The following PALM2AKAP2 variants were observed in gnomAD, a reference collection of about 807,000 sequenced individuals.
The protein encoded by PALM2AKAP2 is PALM2 and AKAP2 fusion, also known as PALM2-AKAP2 fusion protein.
A neutral mutation model predicts 71.5 loss-of-function variants in PALM2AKAP2; 37 were observed. The observed-to-expected ratio is 0.52, with a 90% confidence interval of 0.40 to 0.68. The LOEUF is 0.68. Among genes scored for constraint, PALM2AKAP2 ranks in the 30% least tolerant of loss-of-function variants. The pLI, the probability that PALM2AKAP2 is intolerant of heterozygous loss-of-function variation, is 0.00. For synonymous variants in PALM2AKAP2, 468 were observed against 478.8 expected (o/e 0.98, Z 0.29); for missense variants, 1,224 against 1,191.8 (o/e 1.03, Z -0.40).
chr9:110,060,457 AGT>A lies in PALM2AKAP2; in HGVS notation c.156+11604_156+11605del, dbSNP rs529484579. On this transcript the variant is annotated intron_variant, in intron 1 of 3. Coordinates refer to ENST00000374525, the Ensembl canonical transcript of PALM2AKAP2. ...TTTAATTCCATTTTGAAGATGGAAA[AGT>A]GAGATGAATTGGTCAAGGTCAGGCC... is the stretch of plus-strand genomic sequence containing the variant. Among the ~76,000 whole-genome samples, 428 of 152,224 alleles carry A rather than the reference AGT, an allele frequency of 2.8e-3. 2 individuals carry two copies. The highest frequency in any genetic ancestry group is 5.0e-3 in the Admixed American group (77 of 15,292).
intron 1 of PALM2AKAP2, among the ~76,000 whole-genome samples, chr9:110,078,841 C>T (rs1014434975): frequency 2.6e-5 from 4 of 152,208 alleles, no homozygotes; most frequent in Non-Finnish European, 5.9e-5. Flanking sequence ...GCTCCAAGAA[C>T]ATTTCTCATG....
At chr9:109,709,106 A>G (rs1828187498) in intron 1 of PALM2AKAP2, among the ~76,000 whole-genome samples, 1 of 152,178 alleles carries the variant, frequency 6.6e-6, no homozygotes, top group South Asian at 2.1e-4. Flanking sequence ...CTTCTCTCAA[A>G]TGGGAATACT....
chr9:110,029,296 TGTTAGC>T (rs1205584868), intron 7 of PALM2AKAP2, among the ~76,000 whole-genome samples: 7 of 152,220 alleles, frequency 4.6e-5, no homozygotes, highest in African/African-American at 1.7e-4. Flanking sequence ...GGGATATCAG[TGTTAGC>T]CTAATTTCAT....
intron 1 of PALM2AKAP2, among the ~76,000 whole-genome samples, chr9:109,714,567 C>G (rs1828288359): frequency 6.6e-6 from 1 of 152,186 alleles, no homozygotes. Flanking sequence ...TGGTCAAAGA[C>G]CTGGATATTA....
intron 1 of PALM2AKAP2, among the ~76,000 whole-genome samples, chr9:109,858,614 G>A (rs1339972765): frequency 6.6e-6 from 1 of 152,152 alleles, no homozygotes; most frequent in Non-Finnish European, 1.5e-5. Flanking sequence ...GCAACACACG[G>A]AGAGGGATGA....
intron 1 of PALM2AKAP2, among the ~76,000 whole-genome samples, chr9:109,748,399 G>A (rs1055757665): frequency 6.6e-6 from 1 of 152,142 alleles, no homozygotes; most frequent in South Asian, 2.1e-4. Flanking sequence ...GACAGCTGGG[G>A]CATCGGCCTT....
intron 1 of PALM2AKAP2, among the ~76,000 whole-genome samples, chr9:109,835,074 G>T (rs913015692): frequency 1.3e-5 from 2 of 151,912 alleles, no homozygotes; most frequent in African/African-American, 4.8e-5. Flanking sequence ...TGACTGCTTG[G>T]TTGTGGTTTT....
chr9:109,871,095 T>G (rs1564189449), intron 2 of PALM2AKAP2, among the ~76,000 whole-genome samples: 1 of 152,190 alleles, frequency 6.6e-6, no homozygotes, highest in African/African-American at 2.4e-5. Flanking sequence ...GATGAATTAT[T>G]TAGACAGATT....
chr9:110,125,610 G>C (rs564719698), intron 1 of PALM2AKAP2: 1 of 984,726 alleles, frequency 1.0e-6, no homozygotes, highest in East Asian at 1.1e-4. Flanking sequence ...AGCCAAGTCT[G>C]CTGACTTATC....
At chr9:109,929,169 G>GC (rs1831029803) in intron 5 of PALM2AKAP2, among the ~76,000 whole-genome samples, 1 of 137,758 alleles carries the variant, frequency 7.3e-6, no homozygotes, top group Non-Finnish European at 1.6e-5. Context: ...TCTGTAAGTA[G>GC]TTTTTTTTTT....
intron 1 of PALM2AKAP2, among the ~76,000 whole-genome samples, chr9:109,675,410 G>A (rs1362661782): frequency 3.3e-5 from 5 of 152,020 alleles, no homozygotes; most frequent in African/African-American, 4.8e-5. Context: ...ACCAATTTTG[G>A]TGATTATTGA....
chr9:110,007,292 T>C (rs968671949), intron 6 of PALM2AKAP2, among the ~76,000 whole-genome samples: 2 of 152,194 alleles, frequency 1.3e-5, no homozygotes, highest in African/African-American at 4.8e-5. Context: ...TCCTCTGTTG[T>C]TTAATGCCCC....
At chr9:109,783,578 C>T (rs1826877771) in intron 1 of PALM2AKAP2, among the ~76,000 whole-genome samples, 1 of 152,200 alleles carries the variant, frequency 6.6e-6, no homozygotes, top group Non-Finnish European at 1.5e-5. Flanking sequence ...AGTTTAGAGA[C>T]ATGAGCCACT....
At chr9:109,658,691 T>C (rs1314052403) in intron 1 of PALM2AKAP2, among the ~76,000 whole-genome samples, 2 of 152,130 alleles carry the variant, frequency 1.3e-5, no homozygotes, top group Admixed American at 6.5e-5. Flanking sequence ...ACATCTTACA[T>C]GGCAGCAAGC....
chr9:110,067,416 T>C (rs553272190), intron 1 of PALM2AKAP2, among the ~76,000 whole-genome samples: 1 of 152,260 alleles, frequency 6.6e-6, no homozygotes, highest in Non-Finnish European at 1.5e-5. Flanking sequence ...GGTGCATTAC[T>C]TAATCTATTC....
intron 7 of PALM2AKAP2, among the ~76,000 whole-genome samples, chr9:110,025,869 A>T (rs1833173133): frequency 6.6e-6 from 1 of 151,932 alleles, no homozygotes; most frequent in African/African-American, 2.4e-5. Context: ...TTTTTGCCAT[A>T]GTTTGTTCAA....
chr9:109,837,251 A>G (rs553238123), intron 1 of PALM2AKAP2, among the ~76,000 whole-genome samples: 8 of 152,226 alleles, frequency 5.3e-5, no homozygotes, highest in Non-Finnish European at 8.8e-5. Flanking sequence ...AGAATTTTCA[A>G]TGCAGAATTT....
At chr9:110,138,240 C>T (rs749683953) in exon 2 of PALM2AKAP2, 35 of 1,614,128 alleles carry the variant, frequency 2.2e-5, no homozygotes, top group South Asian at 5.5e-5. Flanking sequence ...CCCAGTGGCC[C>T]GATTAACATG....
chr9:109,667,344 G>A (rs1827501930), intron 1 of PALM2AKAP2, among the ~76,000 whole-genome samples: 2 of 151,982 alleles, frequency 1.3e-5, no homozygotes, highest in Admixed American at 1.3e-4. Context: ...TGTAGGCTAG[G>A]CCAAGATGTT....
Sources: gnomAD v4.1 joint callset for allele counts (sites outside exome capture counted in the v4.1 genomes callset) on GRCh38, gnomAD v4.1.1 for gene constraint, MANE v1.5 for transcripts, NCBI Gene and HGNC (gene_info 2026-07-23, HGNC 2026-07-21) for gene names.